Variants in TMTC2 observed in about 807,000 individuals in gnomAD.
The protein encoded by TMTC2 is protein O-mannosyl-transferase TMTC2.
In TMTC2, 43 loss-of-function variants were observed where a neutral mutation model predicts 82.4. That is an observed-to-expected ratio of 0.52 (90% CI 0.41 to 0.67). TMTC2 has a LOEUF of 0.67. TMTC2 is among the 30% of genes least tolerant of loss of function. TMTC2 has a pLI of 0.00. For synonymous variants in TMTC2, 408 were observed against 381.9 expected (o/e 1.07, Z -0.80); for missense variants, 919 against 1,012.4 (o/e 0.91, Z 1.25).
intron 1 of TMTC2, among the ~76,000 whole-genome samples, chr12:82,735,567 G>T (rs570386285): frequency 4.6e-5 from 7 of 151,894 alleles, no homozygotes; most frequent in South Asian, 2.1e-4. Flanking sequence ...GGATGGTCTC[G>T]ATCTCCTGAC....
At chr12:83,097,232 C>G (rs986612318) in intron 11 of TMTC2, among the ~76,000 whole-genome samples, 2 of 152,034 alleles carry the variant, frequency 1.3e-5, no homozygotes, top group African/African-American at 4.8e-5. Flanking sequence ...GCATCTGTGT[C>G]CTGAAAAGGA....
At chr12:83,109,679 A>T (rs941750133) in intron 11 of TMTC2, among the ~76,000 whole-genome samples, 7 of 151,912 alleles carry the variant, frequency 4.6e-5, no homozygotes, top group African/African-American at 1.7e-4. Flanking sequence ...TATGACTCAC[A>T]CCCCTTTTTA....
intron 1 of TMTC2, among the ~76,000 whole-genome samples, chr12:82,692,867 T>C (rs1056066178): frequency 6.6e-6 from 1 of 152,232 alleles, no homozygotes; most frequent in African/African-American, 2.4e-5. Context: ...CTTCTTTTTT[T>C]CATTGGGTGA....
At chr12:82,876,112 G>A (rs1371726383) in intron 2 of TMTC2, among the ~76,000 whole-genome samples, 3 of 147,858 alleles carry the variant, frequency 2.0e-5, no homozygotes, top group African/African-American at 5.1e-5. Flanking sequence ...GGTGGTGGTG[G>A]TGGTGGTGGT....
intron 1 of TMTC2, among the ~76,000 whole-genome samples, chr12:82,855,375 CAT>C (rs1225097694): frequency 4.6e-5 from 7 of 152,256 alleles, no homozygotes; most frequent in Admixed American, 2.0e-4. Flanking sequence ...CGGTAATACT[CAT>C]GTGGAAATTT....
chr12:83,077,803 T>TA (rs923615760), intron 11 of TMTC2, among the ~76,000 whole-genome samples: 5 of 150,680 alleles, frequency 3.3e-5, no homozygotes, highest in Non-Finnish European at 7.4e-5. Context: ...TTGATCTCTT[T>TA]ACCTCGTGAT....
rs561873048 is a variant in TMTC2 at position 83,062,312 on chromosome 12, A to G, written c.2331+481A>G. 2.6e-5 allele frequency among the ~76,000 whole-genome samples: 4 copies of G among 151,600 alleles called. No homozygotes were observed. In the East Asian group the frequency reaches 7.7e-4, roughly 29 times the overall value. On this transcript the variant is annotated intron_variant, in intron 11 of 11. Coordinates refer to ENST00000321196, the MANE Select transcript of TMTC2 (RefSeq NM_152588.3). ...CTTTATCAAGAATGTTTTTATTACA[A>G]TTTTTCTCTGGGTAATCATGCTTCT...
At chr12:82,921,398 A>G (rs934096440) in intron 3 of TMTC2, among the ~76,000 whole-genome samples, 2 of 152,164 alleles carry the variant, frequency 1.3e-5, no homozygotes, top group African/African-American at 4.8e-5. Context: ...ATTAGTTTAA[A>G]TGAATTGAGG....
At chr12:82,695,653 G>A (rs1872753861) in intron 1 of TMTC2, among the ~76,000 whole-genome samples, 2 of 152,166 alleles carry the variant, frequency 1.3e-5, no homozygotes, top group South Asian at 2.1e-4. Context: ...GAGTAAGGCT[G>A]CTCCAGAGGG....
intron 4 of TMTC2, among the ~76,000 whole-genome samples, chr12:82,941,285 A>G (rs923826928): frequency 2.0e-5 from 3 of 152,132 alleles, no homozygotes; most frequent in Non-Finnish European, 2.9e-5. Flanking sequence ...AGCTGGGACT[A>G]TAGGCACATG....
At chr12:82,836,103 A>G (rs774170212) in intron 1 of TMTC2, among the ~76,000 whole-genome samples, 27 of 152,124 alleles carry the variant, frequency 1.8e-4, no homozygotes, top group Admixed American at 7.2e-4. Context: ...ATATGCATAC[A>G]TAAAATAGTT....
At chr12:82,724,879 A>C (rs1874376607) in intron 1 of TMTC2, among the ~76,000 whole-genome samples, 1 of 152,156 alleles carries the variant, frequency 6.6e-6, no homozygotes, top group Admixed American at 6.5e-5. Flanking sequence ...TGACAATTTT[A>C]TGTTTGTACA....
intron 11 of TMTC2, among the ~76,000 whole-genome samples, chr12:83,062,111 T>G (rs548948511): frequency 1.6e-4 from 25 of 151,764 alleles, no homozygotes; most frequent in Non-Finnish European, 7.4e-5. Flanking sequence ...ACACCGGCTT[T>G]GGCATCACTC....
intron 11 of TMTC2, among the ~76,000 whole-genome samples, chr12:83,120,016 G>GTGTTACA (rs1362581710): frequency 6.6e-6 from 1 of 152,010 alleles, no homozygotes; most frequent in East Asian, 1.9e-4. Flanking sequence ...TTTTACCTAT[G>GTGTTACA]TGAGTCCTGA....
chr12:82,979,535 C>G (rs535560908), intron 7 of TMTC2, among the ~76,000 whole-genome samples: 8 of 151,752 alleles, frequency 5.3e-5, no homozygotes, highest in African/African-American at 1.9e-4. Context: ...TTATACTGTG[C>G]ATGTCTCGAA....
intron 1 of TMTC2, among the ~76,000 whole-genome samples, chr12:82,811,673 A>G (rs1004995360): frequency 6.6e-6 from 1 of 151,968 alleles, no homozygotes; most frequent in Non-Finnish European, 1.5e-5. Flanking sequence ...AAGAGCTGGT[A>G]TAAGTTTTTC....
chr12:82,802,147 G>T (rs1480957091), intron 1 of TMTC2, among the ~76,000 whole-genome samples: 1 of 152,162 alleles, frequency 6.6e-6, no homozygotes, highest in African/African-American at 2.4e-5. Flanking sequence ...TAGGCTGCAG[G>T]TCCCGAGCCC....
chr12:83,080,686 A>G (rs1883435641), intron 11 of TMTC2, among the ~76,000 whole-genome samples: 1 of 152,122 alleles, frequency 6.6e-6, no homozygotes, highest in Non-Finnish European at 1.5e-5. Context: ...AAGTACAATC[A>G]CCATTATAAA....
At chr12:82,926,348 C>T (rs1486069358) in intron 3 of TMTC2, among the ~76,000 whole-genome samples, 1 of 152,156 alleles carries the variant, frequency 6.6e-6, no homozygotes, top group Non-Finnish European at 1.5e-5. Context: ...CAAAACCTAA[C>T]CCAGAACAAG....
Sources: allele counts gnomAD v4.1 joint callset (sites outside exome capture counted in the v4.1 genomes callset), GRCh38; gene constraint gnomAD v4.1.1; transcripts MANE v1.5; gene names NCBI Gene and HGNC (gene_info 2026-07-23, HGNC 2026-07-21).